The following UPF2 variants were observed in gnomAD, a reference collection of about 807,000 sequenced individuals.
UPF2 encodes the protein UPF2 regulator of nonsense mediated mRNA decay.
Under a neutral mutation model 141.4 loss-of-function variants are expected in UPF2, and 17 were observed. The ratio of observed to expected loss-of-function variants is 0.12; its 90% CI spans 0.08 to 0.18. The LOEUF is 0.18. UPF2 is among the 10% of genes least tolerant of loss of function. The pLI is 1.00. For missense variants in UPF2, 1,152 were observed against 1,515.9 expected (o/e 0.76, Z 3.99); for synonymous variants, 540 against 498.0 (o/e 1.08, Z -1.12).
chr10:11,953,335 A>T lies in UPF2; in HGVS notation c.2851-1086T>A, dbSNP rs143146197. Among the ~76,000 whole-genome samples, 237 of 152,230 alleles carry T rather than the reference A, an allele frequency of 1.6e-3. 1 individual carries two copies. Among genetic ancestry groups the T allele is most frequent in the African/African-American group, 5.3e-3 (219 of 41,552 alleles). ...TGAATCAGAATCTGCATCTTTACAA[A>T]GTCCCCAGGGGACATGGATGCACAG... is the stretch of plus-strand genomic sequence containing the variant. On this transcript the variant is annotated intron_variant, in intron 14 of 21. Transcript: ENST00000357604. This position sits in a 1 kb window ranked among gnomAD's most constrained non-coding sequence, Gnocchi z 5.0.
At chr10:11,971,983 G>C (rs2131215352) in intron 9 of UPF2, among the ~76,000 whole-genome samples, 2 of 147,702 alleles carry the variant, frequency 1.4e-5, no homozygotes, top group South Asian at 4.3e-4. Flanking sequence ...AGAATCACTT[G>C]AACCCAGAAG....
chr10:11,930,073 G>A (rs1832764614), intron 20 of UPF2, 88 bp from the exon 21 acceptor site: 2 of 1,569,616 alleles, frequency 1.3e-6, no homozygotes, highest in African/African-American at 2.7e-5. Flanking sequence ...GGGAGATTAA[G>A]TTTATTAGTC....
At chr10:11,930,588 G>A (rs1440167561) in intron 20 of UPF2, among the ~76,000 whole-genome samples, 1 of 152,074 alleles carries the variant, frequency 6.6e-6, no homozygotes, top group Non-Finnish European at 1.5e-5. Flanking sequence ...ATGAGCTTGG[G>A]CAACATAGCA....
intron 9 of UPF2, 91 bp from the exon 10 acceptor site, chr10:11,967,545 A>ATTTT: frequency 9.8e-5 from 38 of 389,036 alleles, no homozygotes; most frequent in Non-Finnish European, 1.2e-4. Flanking sequence ...AATTCACTCC[A>ATTTT]GTTTTTTTTT....
At chr10:12,028,470 G>T (rs1042105628) in intron 3 of UPF2, among the ~76,000 whole-genome samples, 1 of 152,106 alleles carries the variant, frequency 6.6e-6, no homozygotes, top group South Asian at 2.1e-4. Context: ...GATTATTAAG[G>T]AGTATTTAAA....
intron 6 of UPF2, among the ~76,000 whole-genome samples, chr10:12,000,463 T>C (rs1337432021): frequency 6.6e-6 from 1 of 152,058 alleles, no homozygotes; most frequent in Non-Finnish European, 1.5e-5. Flanking sequence ...AGAAAAGCAA[T>C]ATTGACAGAA....
At chr10:11,949,130 C>A (rs1238770016) in intron 15 of UPF2, among the ~76,000 whole-genome samples, 1 of 152,180 alleles carries the variant, frequency 6.6e-6, no homozygotes, top group Non-Finnish European at 1.5e-5. Flanking sequence ...CTGTGTCCAT[C>A]CCACATTTCA....
At chr10:12,034,977 T>C in intron 2 of UPF2, 82 bp downstream of exon 2, 1 of 1,501,446 alleles carries the variant, frequency 6.7e-7, no homozygotes, top group Non-Finnish European at 8.8e-7. Context: ...CCCAGGACGC[T>C]ATATTTCAAA....
chr10:12,038,238 C>A (rs1415069130), intron 1 of UPF2, among the ~76,000 whole-genome samples: 1 of 151,196 alleles, frequency 6.6e-6, no homozygotes, highest in African/African-American at 2.4e-5. Context: ...CAAAAATTAG[C>A]TGGGCGTGGT....
intron 10 of UPF2, among the ~76,000 whole-genome samples, chr10:11,965,311 C>G (rs1444974538): frequency 6.6e-6 from 1 of 152,126 alleles, no homozygotes; most frequent in Non-Finnish European, 1.5e-5. Flanking sequence ...ATATTCCTTT[C>G]AATTTCAGCA....
At chr10:11,977,375 G>A (rs909724330) in intron 9 of UPF2, among the ~76,000 whole-genome samples, 2 of 152,170 alleles carry the variant, frequency 1.3e-5, no homozygotes, top group African/African-American at 4.8e-5. Flanking sequence ...TCTCTCCTTC[G>A]AGAGCACTGG....
chr10:11,930,116 T>C, intron 20 of UPF2, 131 bp from the exon 21 acceptor site: 1 of 1,255,824 alleles, frequency 8.0e-7, no homozygotes, highest in Non-Finnish European at 1.1e-6. Context: ...AAAATAGCCA[T>C]TATACAGACT....
Position 11,931,681 on chromosome 10 carries a change from T to A in UPF2, c.3648A>T (p.Thr1216=), listed in dbSNP as rs1243008579. 3 of 1,612,752 alleles carry A rather than the reference T, an allele frequency of 1.9e-6. No individual in the cohort carries two copies. Among genetic ancestry groups the A allele is most frequent in the Non-Finnish European group, 2.5e-6 (3 of 1,179,812 alleles). ...GTTCTTGCCGTTCATTGATATCTAG[T>A]GTGAGCTTTTTCATTCTCATCCTCT... ...QEERMRMKKL[T]LDINERQEQE... The change falls in exon 20 of 22, where the codon ACA becomes ACT. Residue 1216 remains threonine, a synonymous_variant. Coordinates refer to ENST00000357604, the MANE Select transcript of UPF2 (RefSeq NM_015542.4). The surrounding 1 kb of genome is among the most constrained non-coding windows in gnomAD (Gnocchi z 5.9).
Position 11,968,769 on chromosome 10 carries a change from A to G in UPF2, c.1954-1315T>C, listed in dbSNP as rs1050341290. Among the ~76,000 whole-genome samples the G allele has an allele frequency of 2.6e-5, 4 of 152,234 alleles. No homozygotes were observed. The East Asian group carries it at 7.7e-4, about 29-fold the overall frequency. On this transcript the variant is annotated intron_variant, in intron 9 of 21. Coordinates refer to ENST00000357604, the MANE Select transcript of UPF2 (RefSeq NM_015542.4). ...AAATGTAATTGAATTTAACCTCAGA[A>G]TTCCATTTTCATCGGAAAACCAAAC...
At chr10:11,991,264 T>A (rs1588556797) in intron 8 of UPF2, among the ~76,000 whole-genome samples, 1 of 150,928 alleles carries the variant, frequency 6.6e-6, no homozygotes, top group East Asian at 1.9e-4. Context: ...AGAAAAAGAG[T>A]AGTAGAGGGA....
chr10:11,945,121 A>G (rs1338947725), intron 16 of UPF2, among the ~76,000 whole-genome samples: 1 of 152,276 alleles, frequency 6.6e-6, no homozygotes, highest in Non-Finnish European at 1.5e-5. Context: ...GATAAATTAC[A>G]TAATGCTAGA....
At chr10:12,010,664 C>G (rs1834111439) in intron 4 of UPF2, among the ~76,000 whole-genome samples, 1 of 152,196 alleles carries the variant, frequency 6.6e-6, no homozygotes, top group South Asian at 2.1e-4. Context: ...AAAGAGAAAA[C>G]ACAATTGAAA....
chr10:11,933,694 C>A (rs972646014), intron 19 of UPF2, among the ~76,000 whole-genome samples: 1 of 152,070 alleles, frequency 6.6e-6, no homozygotes, highest in Non-Finnish European at 1.5e-5. Flanking sequence ...CCACAAGTTT[C>A]TTTTAAGTAG....
At chr10:12,008,579 T>G (rs375300392) in intron 4 of UPF2, among the ~76,000 whole-genome samples, 1 of 139,678 alleles carries the variant, frequency 7.2e-6, no homozygotes, top group East Asian at 2.1e-4. Flanking sequence ...GCAGTGAGCT[T>G]AGATCGCACC....
Sources: gnomAD v4.1 joint callset for allele counts (sites outside exome capture counted in the v4.1 genomes callset) on GRCh38, gnomAD v4.1.1 for gene constraint, Gnocchi (gnomAD v3.1) non-coding constraint, MANE v1.5 for transcripts, NCBI Gene and HGNC (gene_info 2026-07-23, HGNC 2026-07-21) for gene names.